Variants in GABBR1 observed in about 807,000 individuals in gnomAD.
The protein encoded by GABBR1 is GABA-B receptor, R1 subunit.
GABBR1 carries 35 observed loss-of-function variants against 117.7 expected under a neutral mutation model. That is an observed-to-expected ratio of 0.30 (90% CI 0.23 to 0.39). The LOEUF (loss-of-function observed/expected upper bound fraction) is 0.39, where lower values mean the gene tolerates loss of function less well. GABBR1 is among the 10% of genes least tolerant of loss of function. The pLI is 1.00. For synonymous variants in GABBR1, 442 were observed against 486.6 expected, an observed-to-expected ratio of 0.91 and a Z score of 1.21; for missense variants, 709 against 1,241.8, an observed-to-expected ratio of 0.57 and a Z score of 6.45.
rs1005488769 is a variant in GABBR1 at position 29,630,919 on chromosome 6, G to A, written c.290-276C>T. Among the ~76,000 whole-genome samples the A allele has an allele frequency of 5.3e-5, 8 of 152,140 alleles. No homozygotes were observed. The highest frequency in any genetic ancestry group is 1.0e-4 in the Non-Finnish European group (7 of 68,032). On this transcript the variant is annotated intron_variant, in intron 3 of 22. Coordinates refer to ENST00000377034, the MANE Select transcript of GABBR1 (RefSeq NM_001470.4). This position sits in a 1 kb window ranked among gnomAD's most constrained non-coding sequence, Gnocchi z 4.9. Reference sequence around the variant, plus strand: ...CTCTTCAAAGTCAGCTACAGTGGGCGGTTCTCTGGCTTTGAAATATGTAGA... The same window carrying A: ...CTCTTCAAAGTCAGCTACAGTGGGCAGTTCTCTGGCTTTGAAATATGTAGA...
rs1319886859 is a variant in GABBR1 at position 29,627,254 on chromosome 6, T to C, written c.657+232A>G. 1.3e-5 allele frequency among the ~76,000 whole-genome samples: 2 copies of C among 152,176 alleles called. No homozygotes were observed. The highest frequency in any genetic ancestry group is 2.9e-5 in the Non-Finnish European group (2 of 68,016). ...ACTCCCGCAGCGGGGCAGAAGGGTC[T>C]GCCTTGCAGCATGCTTAACCATCTT... On this transcript the variant is annotated intron_variant, in intron 6 of 22. Transcript: ENST00000377034. This position sits in a 1 kb window ranked among gnomAD's most constrained non-coding sequence, Gnocchi z 4.4.
At position 29,630,438 on chromosome 6, in the gene GABBR1, C is replaced by T; in HGVS notation, c.475+20G>A. On this transcript the variant is annotated intron_variant, in intron 4 of 22. Coordinates refer to ENST00000377034, the MANE Select transcript of GABBR1 (RefSeq NM_001470.4). This position sits in a 1 kb window ranked among gnomAD's most constrained non-coding sequence, Gnocchi z 4.9. Reference sequence around the variant, plus strand: ...CACAAGCGTCCTCATCAGCTGCATGCAGGCAGCTGTTCCCCTCACCCTGGC... The same window carrying T: ...CACAAGCGTCCTCATCAGCTGCATGTAGGCAGCTGTTCCCCTCACCCTGGC... 6.2e-7 allele frequency: 1 copy of T among 1,601,686 alleles called. No individual in the cohort carries two copies. The highest frequency in any genetic ancestry group is 8.5e-7 in the Non-Finnish European group (1 of 1,170,690).
rs1763618087 is a variant in GABBR1, at chr6:29,620,326, C to T, written c.1323+775G>A. On this transcript the variant is annotated intron_variant, in intron 11 of 22. Transcript: ENST00000377034. This position sits in a 1 kb window ranked among gnomAD's most constrained non-coding sequence, Gnocchi z 4.5. ...TATTTTGGGGCTTTACAACCATTAACTCACCCCTAACATGCTCTCCAAAGC... is the reference window on the plus strand; with the variant it reads ...TATTTTGGGGCTTTACAACCATTAATTCACCCCTAACATGCTCTCCAAAGC... 1.3e-5 allele frequency among the ~76,000 whole-genome samples: 2 copies of T among 152,222 alleles called. No individual in the cohort carries two copies. Among genetic ancestry groups the T allele is most frequent in the Non-Finnish European group, 2.9e-5 (2 of 68,044 alleles).
At chr6:29,626,793 G>A (rs1764320176) in intron 6 of GABBR1, among the ~76,000 whole-genome samples, 1 of 151,814 alleles carries the variant, frequency 6.6e-6, no homozygotes, top group African/African-American at 2.4e-5. Flanking sequence ...ATGCTATTGT[G>A]GGGGTTCCCA....
chr6:29,603,671 G>A lies in GABBR1; in HGVS notation c.2758C>T (p.Gln920Ter). ...GGGTGGCGCCGGGAGCGGAGCTGCT[G>A]CCGAGACTGGAGTTGATGGCGCAGT... ...SELRHQLQSR[Q>*]QLRSRRHPPT... Residue 920 changes from glutamine to a stop codon, truncating the protein, a stop_gained, in exon 23 of 23, where the codon CAG becomes TAG. Coordinates refer to ENST00000377034, the MANE Select transcript of GABBR1 (RefSeq NM_001470.4). LOFTEE classifies it high-confidence loss of function. 1.3e-6 allele frequency: 2 copies of A among 1,513,770 alleles called. No homozygotes were observed. The highest frequency in any genetic ancestry group is 2.7e-5 in the South Asian group (2 of 74,292). 93.8% of individuals were successfully genotyped at this position (1,513,770 alleles called of 1,614,324 possible).
Position 29,620,161 on chromosome 6 carries a change from A to G in GABBR1, c.1323+940T>C, listed in dbSNP as rs940424770. Among the ~76,000 whole-genome samples the G allele has an allele frequency of 4.6e-5, 7 of 152,214 alleles. No homozygotes were observed. Among genetic ancestry groups the G allele is most frequent in the Non-Finnish European group, 1.0e-4 (7 of 68,038 alleles). ...GTAGCTGCATGACCTGAGACAAGTCATTAAACCACTCTGAGTCTCATTTTC... is the reference window on the plus strand; with the variant it reads ...GTAGCTGCATGACCTGAGACAAGTCGTTAAACCACTCTGAGTCTCATTTTC... On this transcript the variant is annotated intron_variant, in intron 11 of 22. Coordinates refer to ENST00000377034, the MANE Select transcript of GABBR1 (RefSeq NM_001470.4). This position sits in a 1 kb window ranked among gnomAD's most constrained non-coding sequence, Gnocchi z 4.5.
rs756274155 is a variant in GABBR1, at chr6:29,604,586, T to C, written c.2620A>G (p.Met874Val). 8.7e-6 allele frequency: 14 copies of C among 1,613,290 alleles called. No individual in the cohort carries two copies. In the South Asian group the frequency reaches 1.1e-4, roughly 13 times the overall value. Reference sequence around the variant, plus strand: ...TTGTTGGTCGATGACCCTGTCTTCATGGTGTCCTGCGCCTCCGACTGCCAT... The same window carrying C: ...TTGTTGGTCGATGACCCTGTCTTCACGGTGTCCTGCGCCTCCGACTGCCAT... ...GEWQSEAQDT[M>V]KTGSSTNNNE... The change falls in exon 22 of 23, where the codon ATG becomes GTG. Residue 874 changes from methionine to valine, a missense_variant. Around this residue, in one of 9 missense-constraint regions of GABBR1, gnomAD observed 251 missense variants for 445.3 expected, o/e 0.56. Transcript: ENST00000377034. This position sits in a 1 kb window ranked among gnomAD's most constrained non-coding sequence, Gnocchi z 5.3.
Position 29,604,457 on chromosome 6 carries a change from C to T in GABBR1, c.2712+37G>A, listed in dbSNP as rs1001051294. 3 of 1,612,778 alleles carry T rather than the reference C, an allele frequency of 1.9e-6. No homozygotes were observed. Among genetic ancestry groups the T allele is most frequent in the Non-Finnish European group, 2.5e-6 (3 of 1,179,746 alleles). ...CAAGCTAAGACGCAAGCCTCCTGGACCACTCCAACACCCTACCCTGACACC... is the reference window on the plus strand; with the variant it reads ...CAAGCTAAGACGCAAGCCTCCTGGATCACTCCAACACCCTACCCTGACACC... On this transcript the variant is annotated intron_variant, in intron 22 of 22. Coordinates refer to ENST00000377034, the MANE Select transcript of GABBR1 (RefSeq NM_001470.4). The surrounding 1 kb of genome is among the most constrained non-coding windows in gnomAD (Gnocchi z 5.3).
At chr6:29,610,683 C>A (rs1762448925) in intron 14 of GABBR1, among the ~76,000 whole-genome samples, 1 of 151,618 alleles carries the variant, frequency 6.6e-6, no homozygotes, top group African/African-American at 2.4e-5. Flanking sequence ...TCCCCAGTTA[C>A]CCCAGCAATG....
At chr6:29,603,820 A>AGG in intron 22 of GABBR1, 104 bp from the exon 23 acceptor site, 1 of 792,586 alleles carries the variant, frequency 1.3e-6, no homozygotes, top group Non-Finnish European at 1.8e-6. Flanking sequence ...GGAAGGGCAC[A>AGG]GAAAAATGTA....
At chr6:29,615,511 AG>A (rs1390766479) in intron 11 of GABBR1, among the ~76,000 whole-genome samples, 2 of 150,092 alleles carry the variant, frequency 1.3e-5, no homozygotes, top group Non-Finnish European at 3.0e-5. Context: ...TGGGAAGCTG[AG>A]GTAGAAGAAT....
In GABBR1 at chr6:29,627,695, G is replaced by A. The variant is rs758719580; in HGVS notation, c.497-49C>T. The A allele has an allele frequency of 1.3e-6, 2 of 1,532,344 alleles. No homozygotes were observed. Among genetic ancestry groups the A allele is most frequent in the Non-Finnish European group, 1.7e-6 (2 of 1,144,468 alleles). The allele number at this position is 1,532,344 out of a possible 1,614,324, so 94.9% of individuals were successfully genotyped here. On this transcript the variant is annotated intron_variant, in intron 5 of 22. Coordinates refer to ENST00000377034, the MANE Select transcript of GABBR1 (RefSeq NM_001470.4). The surrounding 1 kb of genome is among the most constrained non-coding windows in gnomAD (Gnocchi z 4.4). ...CGCGAGTGAGGCCGCGGGAGATGGG[G>A]GGAGTGGGAGGCCCACACCGGAGCC...
Position 29,631,437 on chromosome 6 carries a change from G to T in GABBR1, c.248C>A (p.Ala83Asp). Residue 83 changes from alanine (A) to aspartate (D), a missense_variant, in exon 3 of 23, where the codon GCC becomes GAC. Coordinates refer to ENST00000377034, the MANE Select transcript of GABBR1 (RefSeq NM_001470.4). This position sits in a 1 kb window ranked among gnomAD's most constrained non-coding sequence, Gnocchi z 5.9. Reference protein sequence around the residue: ...VVGPKVRKCLANGSWTDMDTP... With the variant: ...VVGPKVRKCLDNGSWTDMDTP... ...GTCCATATCTGTCCAGGAGCCGTTG[G>T]CCAGGCACTTGCGGACCTTGGGCCC... 6.2e-7 allele frequency: 1 copy of T among 1,614,142 alleles called. No homozygotes were observed. Among genetic ancestry groups the T allele is most frequent in the Non-Finnish European group, 8.5e-7 (1 of 1,180,038 alleles).
Position 29,613,532 on chromosome 6 carries a change from G to A in GABBR1, c.1324-47C>T. 1.3e-6 allele frequency: 2 copies of A among 1,590,744 alleles called. No individual in the cohort carries two copies. The highest frequency in any genetic ancestry group is 2.2e-5 in the East Asian group (1 of 44,544). On this transcript the variant is annotated intron_variant, in intron 11 of 22. Transcript: ENST00000377034. This position sits in a 1 kb window ranked among gnomAD's most constrained non-coding sequence, Gnocchi z 4.1. ...GGAAAGAACTGAAATGTGTGTGGGT[G>A]TGGGGGAAGGGGTGCAATCCAATTC...
intron 11 of GABBR1, among the ~76,000 whole-genome samples, chr6:29,618,890 T>A (rs1032514153): frequency 6.6e-6 from 1 of 152,178 alleles, no homozygotes; most frequent in African/African-American, 2.4e-5. Flanking sequence ...CATGTATCCC[T>A]CCCCATCCCC....
At chr6:29,612,659 A>C in intron 12 of GABBR1, 45 bp from the exon 13 acceptor site, 3 of 1,496,346 alleles carry the variant, frequency 2.0e-6, no homozygotes, top group Non-Finnish European at 2.8e-6. Context: ...GACAAAAGCA[A>C]GAGTGAAAGA....
Position 29,609,332 on chromosome 6 carries a change from A to G in GABBR1, c.1756T>C (p.Phe586Leu), listed in dbSNP as rs1762285668. Residue 586 changes from phenylalanine to leucine, a missense_variant, in exon 15 of 23, where the codon TTC (phenylalanine) becomes CTC (leucine). By Grantham distance (22) the Phe-to-Leu change is conservative. This residue lies in a region of GABBR1 where 251 missense variants were observed against 445.3 expected (regional missense o/e 0.56). Coordinates refer to ENST00000377034, the MANE Select transcript of GABBR1 (RefSeq NM_001470.4). This position sits in a 1 kb window ranked among gnomAD's most constrained non-coding sequence, Gnocchi z 4.3. ...GAGATAAAGAGTTTCTGTGACAGGA[A>G]GCGGAATGTCTTGATGACCAGGGTC... ...DQTLVIKTFR[F>L]LSQKLFISVS... 6.2e-7 allele frequency: 1 copy of G among 1,612,944 alleles called. No homozygotes were observed. The highest frequency in any genetic ancestry group is 8.5e-7 in the Non-Finnish European group (1 of 1,180,020).
chr6:29,603,067 A>C lies in GABBR1; in HGVS notation c.*476T>G, dbSNP rs1166461242. The C allele has an allele frequency of 2.2e-6, 1 of 457,408 alleles. No individual in the cohort carries two copies. Among genetic ancestry groups the C allele is most frequent in the Admixed American group, 2.3e-5 (1 of 42,602 alleles). 28.3% of individuals were successfully genotyped at this position (457,408 alleles called of 1,614,324 possible). A position where few individuals can be genotyped will look rare whatever the true frequency, so the allele number is the denominator to read the frequency against. ...GGAGCCACATGTGAGAAAGTATAGAAGGGCAAGTAAGATGGAAAGAGATTA... is the reference window on the plus strand; with the variant it reads ...GGAGCCACATGTGAGAAAGTATAGACGGGCAAGTAAGATGGAAAGAGATTA... On this transcript the variant is annotated 3_prime_UTR_variant, in exon 23 of 23. Coordinates refer to ENST00000377034, the MANE Select transcript of GABBR1 (RefSeq NM_001470.4).
chr6:29,602,390 C>A lies in GABBR1; in HGVS notation c.*1153G>T, dbSNP rs2127381913. The A allele has an allele frequency of 1.3e-5, 2 of 155,452 alleles. No homozygotes were observed. The highest frequency in any genetic ancestry group is 6.8e-3 in the Middle Eastern group (2 of 294). The allele number at this position is 155,452 out of a possible 1,614,324, so 9.6% of individuals were successfully genotyped here. On this transcript the variant is annotated 3_prime_UTR_variant, in exon 23 of 23. Transcript: ENST00000377034. ...GGTCAGGATTCTCATCAACTATCCACTGGAAGCAGCTCTCCAAACCTGCCC... is the reference window on the plus strand; with the variant it reads ...GGTCAGGATTCTCATCAACTATCCAATGGAAGCAGCTCTCCAAACCTGCCC...
Sources: allele counts gnomAD v4.1 joint callset (sites outside exome capture counted in the v4.1 genomes callset), GRCh38; gene constraint gnomAD v4.1.1; regional missense constraint gnomAD v4.1.1; non-coding constraint Gnocchi (gnomAD v3.1); transcripts MANE v1.5; gene names NCBI Gene and HGNC (gene_info 2026-07-23, HGNC 2026-07-21).